The following SLC39A10 variants were observed in gnomAD, a reference collection of about 807,000 sequenced individuals.
SLC39A10 encodes the protein solute carrier family 39 member 10.
Under a neutral mutation model 65.1 loss-of-function variants are expected in SLC39A10, and 13 were observed. That is an observed-to-expected ratio of 0.20 (90% CI 0.13 to 0.32). The LOEUF (loss-of-function observed/expected upper bound fraction) is 0.32, where lower values mean the gene tolerates loss of function less well. Ranked by LOEUF, SLC39A10 falls within the 10% of genes least tolerant of loss-of-function variation. The probability of loss-of-function intolerance (pLI) is 1.00; values close to 1 mark genes in which losing one functional copy is unlikely to be tolerated. For missense variants in SLC39A10, 831 were observed against 1,018.4 expected (o/e 0.82, Z 2.50); for synonymous variants, 321 against 342.2 (o/e 0.94, Z 0.68).
chr2:195,716,640 C>A lies in SLC39A10; in HGVS notation c.1700C>A (p.Thr567Asn). ...DWLQLKPLAG[T>N]DDSVVSEDRL... The stretch of plus-strand genomic sequence containing the variant: ...ATATCCTTTGCTATAAATACAGGAA[C>A]TGATGACTCGGTTGTTTCTGAAGAT... The change falls in exon 7 of 10, where the codon ACT becomes AAT. Residue 567 changes from threonine (T) to asparagine (N), a missense_variant. Physicochemically the swap from Thr to Asn is moderately conservative, Grantham distance 65 (BLOSUM62 0). Around this residue, in one of 4 missense-constraint regions of SLC39A10, gnomAD observed 230 missense variants for 242.9 expected, o/e 0.95. Coordinates refer to ENST00000359634, the MANE Select transcript of SLC39A10 (RefSeq NM_020342.3). 1 of 1,597,382 alleles carries A rather than the reference C, an allele frequency of 6.3e-7. No individual in the cohort carries two copies. The highest frequency in any genetic ancestry group is 8.5e-7 in the Non-Finnish European group (1 of 1,173,090).
At chr2:195,682,910 TA>T (rs1172034711) in intron 2 of SLC39A10, among the ~76,000 whole-genome samples, 10 of 151,920 alleles carry the variant, frequency 6.6e-5, no homozygotes, top group African/African-American at 2.2e-4. Context: ...GTTTTGATTT[TA>T]GTTTTTGATG....
At chr2:195,657,952 G>A (rs969737363) in intron 1 of SLC39A10, 1 of 151,404 alleles carries the variant, frequency 6.6e-6, no homozygotes, top group African/African-American at 2.4e-5. Flanking sequence ...TGAAGATCTC[G>A]GCCTGCTGGG....
chr2:195,651,479 ATC>A lies in SLC39A10; in HGVS notation c.-11-28549_-11-28548del, dbSNP rs562765125. 2.6e-3 allele frequency among the ~76,000 whole-genome samples: 388 copies of A among 151,570 alleles called. 1 individual carries two copies. Among genetic ancestry groups the A allele is most frequent in the African/African-American group, 8.8e-3 (361 of 41,146 alleles). ...TATTGCTGACATCTTCCTTTCCCAA[ATC>A]TCTTTTTTTTTGAGACAGAGTCTTG... On this transcript the variant is annotated intron_variant, in intron 2 of 2. Transcript: ENST00000458054.
chr2:195,732,072 C>T (rs2105850582), intron 9 of SLC39A10, among the ~76,000 whole-genome samples: 1 of 152,254 alleles, frequency 6.6e-6, no homozygotes, highest in East Asian at 1.9e-4. Flanking sequence ...TGGGTATTTT[C>T]TAATGTTAAG....
intron 7 of SLC39A10, 148 bp downstream of exon 7, chr2:195,717,153 T>TA: frequency 9.2e-7 from 1 of 1,082,756 alleles, no homozygotes; most frequent in Admixed American, 2.6e-5. Flanking sequence ...GTTCAGTTGT[T>TA]ACATTTGGAG....
At chr2:195,650,198 C>CA (rs1308808179) in intron 2 of SLC39A10, among the ~76,000 whole-genome samples, 3 of 150,634 alleles carry the variant, frequency 2.0e-5, no homozygotes, top group African/African-American at 7.3e-5. Context: ...GGGAAAATGG[C>CA]ATGAACCCGG....
intron 6 of SLC39A10, 25 bp downstream of exon 6, chr2:195,713,578 C>A: frequency 1.3e-6 from 2 of 1,538,638 alleles, no homozygotes; most frequent in Non-Finnish European, 1.7e-6. Flanking sequence ...TGACTCAAGA[C>A]AAACTTTTTT....
At chr2:195,725,364 T>C (rs1692198305) in intron 8 of SLC39A10, among the ~76,000 whole-genome samples, 1 of 152,122 alleles carries the variant, frequency 6.6e-6, no homozygotes, top group South Asian at 2.1e-4. Flanking sequence ...GGACAATACA[T>C]ATCTGACAAA....
chr2:195,639,624 C>A (rs913196737), intron 2 of SLC39A10, among the ~76,000 whole-genome samples: 1 of 152,148 alleles, frequency 6.6e-6, no homozygotes, highest in Non-Finnish European at 1.5e-5. Context: ...CGCTTTGTCA[C>A]CCAGGCTGGA....
chr2:195,725,606 A>G (rs1241847001), intron 8 of SLC39A10, among the ~76,000 whole-genome samples: 1 of 152,162 alleles, frequency 6.6e-6, no homozygotes. Flanking sequence ...CCCACTTAAT[A>G]GGTGTCTGCC....
At chr2:195,730,746 T>C (rs982265516) in intron 9 of SLC39A10, among the ~76,000 whole-genome samples, 6 of 152,240 alleles carry the variant, frequency 3.9e-5, no homozygotes, top group African/African-American at 1.4e-4. Context: ...CTAAAAGGCA[T>C]TGTGCACTTG....
chr2:195,657,390 A>G (rs1048934816), intron 1 of SLC39A10, 109 bp downstream of exon 1: 1 of 985,384 alleles, frequency 1.0e-6, no homozygotes, highest in African/African-American at 1.7e-5. Flanking sequence ...GGAGAACAGA[A>G]CCGGGGAGTC....
intron 3 of SLC39A10, among the ~76,000 whole-genome samples, chr2:195,690,149 C>T (rs1046069029): frequency 9.0e-6 from 1 of 111,064 alleles, no homozygotes; most frequent in Admixed American, 1.4e-4. Context: ...GCACTCCAGA[C>T]TGGGCAACAG....
At chr2:195,641,685 CTTTT>C (rs757617526) in intron 2 of SLC39A10, among the ~76,000 whole-genome samples, 3 of 128,100 alleles carry the variant, frequency 2.3e-5, no homozygotes, top group Non-Finnish European at 3.3e-5. Flanking sequence ...TAGTATAGTT[CTTTT>C]TTTTTTTTTT....
intron 2 of SLC39A10, among the ~76,000 whole-genome samples, chr2:195,647,703 C>T (rs1329174992): frequency 6.6e-6 from 1 of 151,088 alleles, no homozygotes; most frequent in Non-Finnish European, 1.5e-5. Flanking sequence ...TCCACCACCA[C>T]CACCACCACC....
intron 3 of SLC39A10, among the ~76,000 whole-genome samples, chr2:195,694,289 A>C (rs1252276205): frequency 6.6e-6 from 1 of 152,126 alleles, no homozygotes; most frequent in Non-Finnish European, 1.5e-5. Flanking sequence ...GTTGGGTAGA[A>C]TGTTCTGTAA....
chr2:195,657,557 G>C (rs1351988351), intron 1 of SLC39A10: 1 of 983,724 alleles, frequency 1.0e-6, no homozygotes, highest in Non-Finnish European at 1.2e-6. Flanking sequence ...TCGGGAGCCG[G>C]CGGCATCCAC....
At chr2:195,730,649 A>G (rs1373669580) in intron 9 of SLC39A10, among the ~76,000 whole-genome samples, 5 of 152,192 alleles carry the variant, frequency 3.3e-5, no homozygotes, top group Non-Finnish European at 5.9e-5. Context: ...ATGGCTTTAA[A>G]TATTTGTTGG....
chr2:195,731,272 C>T (rs1026303381), intron 9 of SLC39A10, among the ~76,000 whole-genome samples: 1 of 152,170 alleles, frequency 6.6e-6, no homozygotes, highest in African/African-American at 2.4e-5. Context: ...TGCGTCAGGG[C>T]TGTGGCACTT....
Sources: gnomAD v4.1 joint callset for allele counts (sites outside exome capture counted in the v4.1 genomes callset) on GRCh38, gnomAD v4.1.1 for gene constraint, gnomAD v4.1.1 regional missense constraint, MANE v1.5 for transcripts, NCBI Gene and HGNC (gene_info 2026-07-23, HGNC 2026-07-21) for gene names.